Variants in CECR2 observed in about 807,000 individuals in gnomAD.
The protein encoded by CECR2 is CECR2 histone acetyl-lysine reader.
Under a neutral mutation model 154.5 loss-of-function variants are expected in CECR2, and 30 were observed. The ratio of observed to expected loss-of-function variants is 0.19; its 90% confidence interval spans 0.15 to 0.26. The LOEUF (loss-of-function observed/expected upper bound fraction) is 0.26, where lower values mean the gene tolerates loss of function less well. Ranked by LOEUF, CECR2 falls within the 10% of genes least tolerant of loss-of-function variation. The pLI is 1.00. For synonymous variants in CECR2, 725 were observed against 683.7 expected, an observed-to-expected ratio of 1.06 and a Z score of -0.94; for missense variants, 1,743 against 1,829.3, an observed-to-expected ratio of 0.95 and a Z score of 0.86.
chr22:17,506,358 C>CT (rs1405514186), intron 7 of CECR2, among the ~76,000 whole-genome samples: 1 of 152,012 alleles, frequency 6.6e-6, no homozygotes, highest in Admixed American at 6.5e-5. Context: ...AACTCCTGGG[C>CT]TGAAGCACTC....
intron 1 of CECR2, among the ~76,000 whole-genome samples, chr22:17,467,980 T>C (rs2055062314): frequency 6.6e-6 from 1 of 152,164 alleles, no homozygotes; most frequent in African/African-American, 2.4e-5. Context: ...CCAGAAACAG[T>C]TTCCTAGAAG....
chr22:17,370,509 G>A (rs1352049757), intron 1 of CECR2, among the ~76,000 whole-genome samples: 1 of 152,132 alleles, frequency 6.6e-6, no homozygotes, highest in Non-Finnish European at 1.5e-5. Flanking sequence ...CTGGAGGTGT[G>A]GAAGGAAAGT....
At chr22:17,520,584 C>T (rs56121577) in intron 8 of CECR2, among the ~76,000 whole-genome samples, 1 of 152,056 alleles carries the variant, frequency 6.6e-6, no homozygotes, top group African/African-American at 2.4e-5. Flanking sequence ...AGTCCCCCAC[C>T]CTCTGACAGA....
chr22:17,496,108 A>G (rs1052388629), intron 2 of CECR2, among the ~76,000 whole-genome samples: 1 of 148,374 alleles, frequency 6.7e-6, no homozygotes, highest in African/African-American at 2.4e-5. Flanking sequence ...CTGCAGAAAA[A>G]CTATCTTCAA....
chr22:17,403,205 A>G (rs1430309471), intron 1 of CECR2, among the ~76,000 whole-genome samples: 1 of 152,130 alleles, frequency 6.6e-6, no homozygotes, highest in Non-Finnish European at 1.5e-5. Flanking sequence ...AATTATTTCA[A>G]GCTTTGGCCA....
At chr22:17,467,458 A>C (rs545642152) in intron 1 of CECR2, among the ~76,000 whole-genome samples, 19 of 152,268 alleles carry the variant, frequency 1.2e-4, no homozygotes, top group African/African-American at 4.6e-4. Context: ...CAGATTCCTC[A>C]ATCTGGCTGA....
chr22:17,459,732 C>A (rs1199314218), intron 1 of CECR2, among the ~76,000 whole-genome samples: 1 of 152,194 alleles, frequency 6.6e-6, no homozygotes, highest in African/African-American at 2.4e-5. Flanking sequence ...TCCTGAACTT[C>A]TTTGTGATGG....
chr22:17,394,177 G>A (rs555924394), intron 1 of CECR2, among the ~76,000 whole-genome samples: 104 of 146,300 alleles, frequency 7.1e-4, no homozygotes, highest in Middle Eastern at 3.6e-3. Flanking sequence ...GTGAGCCACC[G>A]CGCCCAGCTG....
At chr22:17,398,042 A>G (rs2053838951) in intron 1 of CECR2, among the ~76,000 whole-genome samples, 3 of 151,840 alleles carry the variant, frequency 2.0e-5, no homozygotes, top group Non-Finnish European at 4.4e-5. Context: ...CCCCTCTTTC[A>G]TCTTCTGCTG....
At chr22:17,551,978 T>G in intron 17 of CECR2, 53 bp from the exon 18 acceptor site, 1 of 1,550,640 alleles carries the variant, frequency 6.4e-7, no homozygotes, top group Non-Finnish European at 8.9e-7. Flanking sequence ...TTGTTTCTTC[T>G]GTCGTTAACA....
chr22:17,475,131 G>T (rs1452919555), intron 1 of CECR2, among the ~76,000 whole-genome samples: 2 of 152,132 alleles, frequency 1.3e-5, no homozygotes, highest in Non-Finnish European at 2.9e-5. Context: ...AGCAGCGTGG[G>T]GGAGCTTGGC....
chr22:17,495,723 G>C, intron 2 of CECR2, among the ~76,000 whole-genome samples: 1 of 151,528 alleles, frequency 6.6e-6, no homozygotes. Context: ...TTAGCTGGGC[G>C]TGGTGGCAGG....
intron 1 of CECR2, among the ~76,000 whole-genome samples, chr22:17,438,568 G>A (rs971741002): frequency 6.6e-6 from 1 of 152,088 alleles, no homozygotes; most frequent in Non-Finnish European, 1.5e-5. Context: ...GCCCAGGACG[G>A]CTTTGAATGA....
chr22:17,386,616 G>T (rs560258298), intron 1 of CECR2, among the ~76,000 whole-genome samples: 16 of 151,296 alleles, frequency 1.1e-4, no homozygotes, highest in Non-Finnish European at 2.2e-4. Context: ...GCTTTCTGTT[G>T]AGTAAAATGG....
chr22:17,476,893 T>A (rs2055216749), intron 1 of CECR2, among the ~76,000 whole-genome samples: 1 of 152,248 alleles, frequency 6.6e-6, no homozygotes, highest in African/African-American at 2.4e-5. Flanking sequence ...CACCACTTTT[T>A]GTCCAGTGGT....
At chr22:17,419,901 T>A (rs2054219489) in intron 1 of CECR2, 3 of 229,088 alleles carry the variant, frequency 1.3e-5, no homozygotes, top group Non-Finnish European at 2.8e-5. Flanking sequence ...GATGAGGTGG[T>A]TAAAAAAAAT....
chr22:17,455,187 G>T (rs2054834328), intron 1 of CECR2, among the ~76,000 whole-genome samples: 1 of 152,230 alleles, frequency 6.6e-6, no homozygotes, highest in South Asian at 2.1e-4. Flanking sequence ...TGCTTGCTTG[G>T]ACCAGTATAA....
rs938229366 is a variant in CECR2 at position 17,543,819 on chromosome 22, A to C, written c.2860+816A>C. 1.1e-4 allele frequency among the ~76,000 whole-genome samples: 16 copies of C among 152,224 alleles called. 1 individual carries two copies. In the South Asian group the frequency reaches 3.3e-3, roughly 32 times the overall value. On this transcript the variant is annotated intron_variant, in intron 16 of 18. Transcript: ENST00000262608. Reference sequence around the variant, plus strand: ...AGGTGATCGCCTGCCTTGGCCTCCCAAAGTGCTAGGATTACAGGCATGAGC... The same window carrying C: ...AGGTGATCGCCTGCCTTGGCCTCCCCAAGTGCTAGGATTACAGGCATGAGC...
intron 1 of CECR2, among the ~76,000 whole-genome samples, chr22:17,394,596 G>GAA (rs1317098510): frequency 6.6e-6 from 1 of 152,128 alleles, no homozygotes; most frequent in Non-Finnish European, 1.5e-5. Context: ...TTGAAATTGG[G>GAA]AAGTGTGAGT....
Sources: allele counts gnomAD v4.1 joint callset (sites outside exome capture counted in the v4.1 genomes callset), GRCh38; gene constraint gnomAD v4.1.1; transcripts MANE v1.5; gene names NCBI Gene and HGNC (gene_info 2026-07-23, HGNC 2026-07-21).